HSPG2: variants seen among roughly 807,000 people sequenced by gnomAD.
HSPG2 encodes basement membrane-specific heparan sulfate proteoglycan core protein.
In HSPG2, 278 loss-of-function variants were observed where a neutral mutation model predicts 526.6. That is an observed-to-expected ratio of 0.53 (90% confidence interval 0.48 to 0.58). The LOEUF (loss-of-function observed/expected upper bound fraction) is 0.58, where lower values mean the gene tolerates loss of function less well. Ranked by LOEUF, HSPG2 falls within the 20% of genes least tolerant of loss-of-function variation. The pLI, the probability that HSPG2 is intolerant of heterozygous loss-of-function variation, is 0.00. For synonymous variants in HSPG2, 2,465 were observed against 2,555.4 expected (o/e 0.96, Z 1.07); for missense variants, 5,354 against 6,099.5 (o/e 0.88, Z 4.07).
At chr1:21,923,029 A>C (rs984910157) in intron 1 of HSPG2, among the ~76,000 whole-genome samples, 4 of 106,260 alleles carry the variant, frequency 3.8e-5, no homozygotes, top group African/African-American at 1.2e-4. Flanking sequence ...GCACCCCAAG[A>C]CTGCGCCCTT....
Position 21,847,442 on chromosome 1 carries a change from G to T in HSPG2, c.8076C>A (p.Gly2692=). 1.2e-6 allele frequency: 2 copies of T among 1,613,886 alleles called. No homozygotes were observed. Among genetic ancestry groups the T allele is most frequent in the East Asian group, 2.2e-5 (1 of 44,886 alleles). ...RLHQMSVADS[G]EYVCRANNNI... ...TGTTGTTGGCCCGGCACACATACTC[G>T]CCCGAGTCAGCCACAGACATTTGGT... The change falls in exon 62 of 97, where the codon GGC becomes GGA. Residue 2692 remains glycine (G), a synonymous_variant. Transcript: ENST00000374695. This position sits in a 1 kb window ranked among gnomAD's most constrained non-coding sequence, Gnocchi z 4.1.
At chr1:21,922,847 A>T (rs9426784) in intron 1 of HSPG2, among the ~76,000 whole-genome samples, 1 of 152,050 alleles carries the variant, frequency 6.6e-6, no homozygotes, top group Non-Finnish European at 1.5e-5. Context: ...CCATCCCAGT[A>T]CCCCCTCCTC....
intron 1 of HSPG2, among the ~76,000 whole-genome samples, chr1:21,907,159 A>G (rs1643423858): frequency 6.6e-6 from 1 of 152,166 alleles, no homozygotes; most frequent in Non-Finnish European, 1.5e-5. Flanking sequence ...CCCAGCACCC[A>G]GTCATTCCTG....
At chr1:21,823,936 C>T in intron 95 of HSPG2, 185 bp downstream of exon 95, 1 of 753,780 alleles carries the variant, frequency 1.3e-6, no homozygotes, top group Non-Finnish European at 2.2e-6. Flanking sequence ...GGGGCACTCG[C>T]CTGCCCCCAG....
At position 21,857,311 on chromosome 1, in the gene HSPG2, T is replaced by C. The variant is rs764919059; in HGVS notation, c.5368A>G (p.Thr1790Ala). The change falls in exon 43 of 97, where the codon ACC becomes GCC. Residue 1790 changes from threonine to alanine, a missense_variant. Physicochemically the swap from Thr to Ala is moderately conservative, Grantham distance 58. Coordinates refer to ENST00000374695, the MANE Select transcript of HSPG2 (RefSeq NM_005529.7). The stretch of plus-strand genomic sequence containing the variant: ...TTGCTTTTGGCTGTGCAGATGAAGG[T>C]GACGTCAGCTCCGGGGCGCACGCTC... ...SQSVRPGADV[T>A]FICTAKSKSP... is the part of the protein sequence containing the mutation. The C allele has an allele frequency of 6.2e-7, 1 of 1,614,068 alleles. No homozygotes were observed. The highest frequency in any genetic ancestry group is 8.5e-7 in the Non-Finnish European group (1 of 1,180,012).
rs1642308586 is a variant in HSPG2, at chr1:21,890,845, G to A, written c.245-151C>T. 1 of 696,772 alleles carries A rather than the reference G, an allele frequency of 1.4e-6. No homozygotes were observed. Among genetic ancestry groups the A allele is most frequent in the Admixed American group, 2.0e-5 (1 of 49,312 alleles). The allele number at this position is 696,772 out of a possible 1,614,324, so 43.2% of individuals were successfully genotyped here. On this transcript the variant is annotated intron_variant, in intron 3 of 96. Coordinates refer to ENST00000374695, the MANE Select transcript of HSPG2 (RefSeq NM_005529.7). This position sits in a 1 kb window ranked among gnomAD's most constrained non-coding sequence, Gnocchi z 4.1. ...TGTGCCCACTGCTACACCCAGGACTGCCTGTAGGTATACATGCTCAGGGGT... is the reference window on the plus strand; with the variant it reads ...TGTGCCCACTGCTACACCCAGGACTACCTGTAGGTATACATGCTCAGGGGT...
rs1477706728 is a variant in HSPG2, at chr1:21,848,090, C to A, written c.7741G>T (p.Val2581Leu). The change falls in exon 60 of 97, where the codon GTG (valine) becomes TTG (leucine). Residue 2581 changes from valine to leucine, a missense_variant. By Grantham distance (32) the Val-to-Leu change is conservative (BLOSUM62 1). Transcript: ENST00000374695. This position sits in a 1 kb window ranked among gnomAD's most constrained non-coding sequence, Gnocchi z 4.9. ...TGAGGGATCCGCAGCCGGGAGCCCACGATCTGCAGGAAGCAGATGGCAGGA... is the reference window on the plus strand; with the variant it reads ...TGAGGGATCCGCAGCCGGGAGCCCAAGATCTGCAGGAAGCAGATGGCAGGA... The part of the protein sequence containing the change: ...GGSLPSRHQI[V>L]GSRLRIPQVT... The A allele has an allele frequency of 3.8e-6, 6 of 1,598,588 alleles. No individual in the cohort carries two copies. The highest frequency in any genetic ancestry group is 4.5e-5 in the East Asian group (2 of 43,984).
chr1:21,887,565 A>G lies in HSPG2; in HGVS notation c.813T>C (p.Ala271=). ...TIMRQPPVTH[A]PQPLLPGSVR... ...CGGAACCGGGAAGCAGGGGCTGAGG[A>G]GCGTGGGTGACTGGTGGCTGTCGCA... The change falls in exon 8 of 97, where the codon GCT becomes GCC. Residue 271 remains alanine, a synonymous_variant. Transcript: ENST00000374695. This position sits in a 1 kb window ranked among gnomAD's most constrained non-coding sequence, Gnocchi z 5.0. 1 of 1,613,998 alleles carries G rather than the reference A, an allele frequency of 6.2e-7. No individual in the cohort carries two copies. Among genetic ancestry groups the G allele is most frequent in the South Asian group, 1.1e-5 (1 of 91,078 alleles).
In HSPG2 at chr1:21,828,701, G is replaced by A. The variant is rs965143072; in HGVS notation, c.12237+134C>T. ...CAGAGGAGGAAACTGAGGCTCAGAG[G>A]TACAGTGTCCTGGCCCAGGGCCCGT... On this transcript the variant is annotated intron_variant, in intron 88 of 96. Coordinates refer to ENST00000374695, the MANE Select transcript of HSPG2 (RefSeq NM_005529.7). The surrounding 1 kb of genome is among the most constrained non-coding windows in gnomAD (Gnocchi z 6.0). 5.4e-6 allele frequency: 7 copies of A among 1,285,546 alleles called. No individual in the cohort carries two copies. Among genetic ancestry groups the A allele is most frequent in the Non-Finnish European group, 7.6e-6 (7 of 917,898 alleles). The allele number at this position is 1,285,546 out of a possible 1,614,324, so 79.6% of individuals were successfully genotyped here.
chr1:21,919,626 G>C (rs1197376179), intron 1 of HSPG2, among the ~76,000 whole-genome samples: 1 of 152,100 alleles, frequency 6.6e-6, no homozygotes. Flanking sequence ...AGGATGAAAT[G>C]AGACAGCAGA....
Position 21,872,072 on chromosome 1 carries a change from G to C in HSPG2, c.4221+114C>G. 2 of 1,159,946 alleles carry C rather than the reference G, an allele frequency of 1.7e-6. No individual in the cohort carries two copies. Among genetic ancestry groups the C allele is most frequent in the Non-Finnish European group, 1.3e-6 (1 of 795,162 alleles). The allele number at this position is 1,159,946 out of a possible 1,614,324, so 71.9% of individuals were successfully genotyped here. ...ATGTCTATGGGACTGCAAAAGCCAC[G>C]TGCCTAACCACGATATGGCCATGCA... On this transcript the variant is annotated intron_variant, in intron 33 of 96. Transcript: ENST00000374695. This position sits in a 1 kb window ranked among gnomAD's most constrained non-coding sequence, Gnocchi z 5.5.
At position 21,890,256 on chromosome 1, in the gene HSPG2, A is replaced by G. The variant is rs1310585814; in HGVS notation, c.414-115T>C. On this transcript the variant is annotated intron_variant, in intron 5 of 96. Coordinates refer to ENST00000374695, the MANE Select transcript of HSPG2 (RefSeq NM_005529.7). The surrounding 1 kb of genome is among the most constrained non-coding windows in gnomAD (Gnocchi z 4.1). The stretch of plus-strand genomic sequence containing the variant: ...CTGTTCCGGGACAGCCTGTACCCAA[A>G]GAAGGGCAACTAAAGGTCCCAATGA... 1.4e-6 allele frequency: 2 copies of G among 1,399,050 alleles called. No individual in the cohort carries two copies. The highest frequency in any genetic ancestry group is 2.0e-6 in the Non-Finnish European group (2 of 991,304). 86.7% of individuals were successfully genotyped at this position (1,399,050 alleles called of 1,614,324 possible).
At position 21,887,905 on chromosome 1, in the gene HSPG2, C is replaced by G. The variant is rs997264387; in HGVS notation, c.703+33G>C. 1.2e-6 allele frequency: 2 copies of G among 1,613,836 alleles called. No homozygotes were observed. The highest frequency in any genetic ancestry group is 1.7e-6 in the Non-Finnish European group (2 of 1,180,004). On this transcript the variant is annotated intron_variant, in intron 7 of 96. Coordinates refer to ENST00000374695, the MANE Select transcript of HSPG2 (RefSeq NM_005529.7). This position sits in a 1 kb window ranked among gnomAD's most constrained non-coding sequence, Gnocchi z 5.0. ...TAGGACCCTGGCCCTCCCCTGGCAC[C>G]CAAACCACTCGTGGCCCCGGACATC...
intron 76 of HSPG2, chr1:21,835,299 C>A (rs1331557486): frequency 3.8e-5 from 23 of 602,820 alleles, no homozygotes; most frequent in South Asian, 7.6e-5. Context: ...CACACTGATT[C>A]AATCTTCATC....
In HSPG2 at chr1:21,837,074, C is replaced by A. The variant is rs1221962202; in HGVS notation, c.10151-68G>T. ...GATGTCCCTGATGCCCCTCCAGGGA[C>A]CCAGGAAACCCCCAGCCCAACATTC... On this transcript the variant is annotated intron_variant, in intron 74 of 96. Transcript: ENST00000374695. 2.2e-6 allele frequency: 3 copies of A among 1,368,488 alleles called. No individual in the cohort carries two copies. The Admixed American group carries it at 5.9e-5, about 27-fold the overall frequency. 84.8% of individuals were successfully genotyped at this position (1,368,488 alleles called of 1,614,324 possible).
At chr1:21,923,935 G>C (rs1391527525) in intron 1 of HSPG2, among the ~76,000 whole-genome samples, 3 of 152,196 alleles carry the variant, frequency 2.0e-5, no homozygotes, top group African/African-American at 7.2e-5. Flanking sequence ...AAGAGTTTAG[G>C]AATCTTGTGA....
chr1:21,861,648 A>G, intron 39 of HSPG2, 109 bp downstream of exon 39: 1 of 992,342 alleles, frequency 1.0e-6, no homozygotes, highest in East Asian at 2.6e-5. Context: ...GAGGCAGGGA[A>G]GGAGCATAAT....
chr1:21,892,214 C>T (rs1436229668), intron 3 of HSPG2, among the ~76,000 whole-genome samples: 8 of 152,076 alleles, frequency 5.3e-5, no homozygotes, highest in African/African-American at 9.6e-5. Flanking sequence ...TCCTGGGTGC[C>T]GGGTGGGCGG....
At chr1:21,875,023 C>T (rs376517027) in intron 25 of HSPG2, 21 bp from the exon 26 acceptor site, 22 of 1,540,620 alleles carry the variant, frequency 1.4e-5, no homozygotes, top group Middle Eastern at 1.7e-4. Context: ...CAAGACCCAG[C>T]GTGAATAGGA....
Sources: allele counts gnomAD v4.1 joint callset (sites outside exome capture counted in the v4.1 genomes callset), GRCh38; gene constraint gnomAD v4.1.1; non-coding constraint Gnocchi (gnomAD v3.1); transcripts MANE v1.5; gene names NCBI Gene and HGNC (gene_info 2026-07-23, HGNC 2026-07-21).